PSD3: variants seen among roughly 807,000 people sequenced by gnomAD.
PSD3 encodes the protein PH and SEC7 domain-containing protein 3.
PSD3 carries 49 observed loss-of-function variants against 105.5 expected under a neutral mutation model. The ratio of observed to expected loss-of-function variants is 0.46; its 90% CI spans 0.37 to 0.59. The LOEUF is 0.59. Among genes scored for constraint, PSD3 ranks in the 20% least tolerant of loss-of-function variants. PSD3 has a pLI of 0.00. For missense variants in PSD3, 1,561 were observed against 1,263.8 expected (o/e 1.24, Z -3.57); for synonymous variants, 557 against 457.8 (o/e 1.22, Z -2.77).
chr8:18,562,367 C>T (rs1801446740), intron 14 of PSD3, among the ~76,000 whole-genome samples: 1 of 152,198 alleles, frequency 6.6e-6, no homozygotes, highest in Non-Finnish European at 1.5e-5. Flanking sequence ...GTGGCAGAAG[C>T]CACATTCTCC....
intron 14 of PSD3, among the ~76,000 whole-genome samples, chr8:18,565,101 C>A (rs1303002053): frequency 1.3e-5 from 2 of 152,090 alleles, no homozygotes; most frequent in Non-Finnish European, 2.9e-5. Flanking sequence ...ACCTGCCGGC[C>A]TGGAGTGGAA....
intron 1 of PSD3, among the ~76,000 whole-genome samples, chr8:19,071,813 G>T (rs1224498112): frequency 6.6e-6 from 1 of 151,888 alleles, no homozygotes; most frequent in Non-Finnish European, 1.5e-5. Context: ...AGGTTCAAGA[G>T]ATTCTCCTGC....
intron 11 of PSD3, among the ~76,000 whole-genome samples, chr8:18,601,135 A>G (rs892054988): frequency 5.9e-5 from 9 of 152,208 alleles, no homozygotes; most frequent in African/African-American, 1.9e-4. Context: ...CAAATTATCC[A>G]AAATAATTAA....
At chr8:18,987,776 G>A (rs995764899) in intron 1 of PSD3, among the ~76,000 whole-genome samples, 1 of 151,960 alleles carries the variant, frequency 6.6e-6, no homozygotes, top group African/African-American at 2.4e-5. Flanking sequence ...CTGCATCACT[G>A]CACTCCGGCC....
intron 1 of PSD3, among the ~76,000 whole-genome samples, chr8:19,010,489 T>C (rs1826902486): frequency 6.6e-6 from 1 of 152,368 alleles, no homozygotes; most frequent in East Asian, 1.9e-4. Flanking sequence ...GGCATGGACA[T>C]TTGGTAATTT....
At chr8:18,685,569 T>C (rs903303541) in intron 9 of PSD3, among the ~76,000 whole-genome samples, 1 of 152,278 alleles carries the variant, frequency 6.6e-6, no homozygotes, top group South Asian at 2.1e-4. Flanking sequence ...TCTTGGGGAC[T>C]CTCCTGTCCT....
At chr8:18,707,522 C>T (rs922281799) in intron 9 of PSD3, among the ~76,000 whole-genome samples, 1 of 152,162 alleles carries the variant, frequency 6.6e-6, no homozygotes, top group Admixed American at 6.5e-5. Context: ...CCAGGCAGTT[C>T]TGAATACTTT....
chr8:18,988,889 C>T (rs971963423), intron 1 of PSD3, among the ~76,000 whole-genome samples: 3 of 152,050 alleles, frequency 2.0e-5, no homozygotes, highest in African/African-American at 7.2e-5. Flanking sequence ...TGTGTTTGTC[C>T]GGGAATGTAA....
In PSD3 at chr8:18,528,086, T is replaced by C. The variant is rs1225446867; in HGVS notation, c.*7657A>G. 1 of 152,232 alleles carries C rather than the reference T, an allele frequency of 6.6e-6. No homozygotes were observed. The highest frequency in any genetic ancestry group is 1.5e-5 in the Non-Finnish European group (1 of 68,040). The allele number at this position is 152,232 out of a possible 1,614,324, so 9.4% of individuals were successfully genotyped here. On this transcript the variant is annotated 3_prime_UTR_variant, in exon 16 of 16. Coordinates refer to ENST00000327040, the MANE Select transcript of PSD3 (RefSeq NM_015310.4). ...ATATTAAAAGATACAAATTATCGCCTTTCTGCCTGTCCTATGGTAATCAAG... is the reference window on the plus strand; with the variant it reads ...ATATTAAAAGATACAAATTATCGCCCTTCTGCCTGTCCTATGGTAATCAAG...
chr8:18,577,523 A>C (rs997047612), intron 12 of PSD3, among the ~76,000 whole-genome samples: 1 of 152,036 alleles, frequency 6.6e-6, no homozygotes, highest in South Asian at 2.1e-4. Flanking sequence ...TTTTATACAT[A>C]TTTTAGTTGC....
chr8:18,921,551 C>A (rs866672230), intron 2 of PSD3, among the ~76,000 whole-genome samples: 34 of 152,174 alleles, frequency 2.2e-4, no homozygotes, highest in African/African-American at 8.0e-4. Flanking sequence ...GAAACCTACA[C>A]ACAACTGGGC....
intron 1 of PSD3, among the ~76,000 whole-genome samples, chr8:19,068,799 T>A (rs1016237484): frequency 2.0e-5 from 3 of 151,482 alleles, no homozygotes; most frequent in African/African-American, 7.3e-5. Flanking sequence ...AGACCAGGGA[T>A]GTGCTTGGTG....
chr8:18,848,060 A>T (rs931870195), intron 4 of PSD3, among the ~76,000 whole-genome samples: 1 of 152,188 alleles, frequency 6.6e-6, no homozygotes, highest in African/African-American at 2.4e-5. Flanking sequence ...TCAAGAAAGC[A>T]GGTGAAAAGA....
chr8:19,002,826 C>T (rs1313435410), intron 1 of PSD3, among the ~76,000 whole-genome samples: 1 of 152,032 alleles, frequency 6.6e-6, no homozygotes, highest in Non-Finnish European at 1.5e-5. Flanking sequence ...AAACAGAGAG[C>T]TAAGTGTATT....
chr8:19,015,636 G>T (rs76595146), upstream of PSD3, among the ~76,000 whole-genome samples: 13,835 of 152,244 alleles, frequency 0.091, 679 homozygotes, highest in African/African-American at 0.12. Context: ...CATATAGGAG[G>T]CAGGGTGGAC....
At chr8:19,021,815 A>G (rs1827373083) in intron 1 of PSD3, among the ~76,000 whole-genome samples, 1 of 152,218 alleles carries the variant, frequency 6.6e-6, no homozygotes, top group African/African-American at 2.4e-5. Flanking sequence ...TCCTTAGTCT[A>G]AACTTGACTT....
rs562222925 is a variant in PSD3 at position 18,571,906 on chromosome 8, T to C, written c.2784+622A>G. ...ATGAGCAAACCTAGCTGGTAGGTAGTGTCCTTAGAAGAGTTTTAAGTGAAA... is the reference window on the plus strand; with the variant it reads ...ATGAGCAAACCTAGCTGGTAGGTAGCGTCCTTAGAAGAGTTTTAAGTGAAA... On this transcript the variant is annotated intron_variant, in intron 14 of 15. Transcript: ENST00000327040. Among the ~76,000 whole-genome samples, 5 of 139,724 alleles carry C rather than the reference T, an allele frequency of 3.6e-5. No individual in the cohort carries two copies. The South Asian group carries it at 1.2e-3, about 33-fold the overall frequency. 91.7% of individuals were successfully genotyped at this position (139,724 alleles called of 152,430 possible).
chr8:18,853,164 G>A (rs1360352163), intron 4 of PSD3, among the ~76,000 whole-genome samples: 1 of 152,016 alleles, frequency 6.6e-6, no homozygotes, highest in African/African-American at 2.4e-5. Flanking sequence ...GAAACAAAAT[G>A]TCCAAACAGA....
At chr8:18,593,909 G>A (rs1235382902) in intron 12 of PSD3, among the ~76,000 whole-genome samples, 5 of 139,440 alleles carry the variant, frequency 3.6e-5, no homozygotes, top group African/African-American at 1.4e-4. Context: ...TCAGTCATAG[G>A]TGGGAATTGA....
Sources: allele counts gnomAD v4.1 joint callset (sites outside exome capture counted in the v4.1 genomes callset), GRCh38; gene constraint gnomAD v4.1.1; transcripts MANE v1.5; gene names NCBI Gene and HGNC (gene_info 2026-07-23, HGNC 2026-07-21).